Variants in ATP5PF observed in about 807,000 individuals in gnomAD.
ATP5PF encodes the protein ATP synthase peripheral stalk subunit F6, mitochondrial.
Under a neutral mutation model 12.0 loss-of-function variants are expected in ATP5PF, and 7 were observed. The ratio of observed to expected loss-of-function variants is 0.58; its 90% confidence interval spans 0.33 to 1.10. The LOEUF (loss-of-function observed/expected upper bound fraction) is 1.10, where lower values mean the gene tolerates loss of function less well. ATP5PF is among the 50% of genes least tolerant of loss of function. The probability of loss-of-function intolerance (pLI) is 0.03; values close to 1 mark genes in which losing one functional copy is unlikely to be tolerated. For synonymous variants in ATP5PF, 41 were observed against 45.4 expected (o/e 0.90, Z 0.39); for missense variants, 120 against 127.7 (o/e 0.94, Z 0.29).
chr21:25,735,544 T>C (rs2035013909), upstream of ATP5PF: 1 of 152,562 alleles, frequency 6.6e-6, no homozygotes, highest in African/African-American at 2.4e-5. Flanking sequence ...GGCTCTGGAG[T>C]GCGGGCGGGG....
upstream of ATP5PF, chr21:25,735,308 C>G: frequency 3.2e-6 from 1 of 314,332 alleles, no homozygotes; most frequent in South Asian, 5.0e-5. Flanking sequence ...GTTGTGCTTC[C>G]TTGTACCTCG....
At chr21:25,729,245 T>A (rs889608721) in intron 2 of ATP5PF, among the ~76,000 whole-genome samples, 27 of 152,358 alleles carry the variant, frequency 1.8e-4, no homozygotes, top group African/African-American at 6.5e-4. Context: ...ATAATATATT[T>A]TTCCCCAATT....
intron 1 of ATP5PF, 142 bp downstream of exon 1, chr21:25,734,710 AC>A (rs946900163): frequency 2.5e-6 from 2 of 807,974 alleles, no homozygotes; most frequent in African/African-American, 3.5e-5. Context: ...GTCAGCTGTG[AC>A]CCCGGGCCAG....
intron 2 of ATP5PF, among the ~76,000 whole-genome samples, chr21:25,725,784 G>C (rs1056673616): frequency 6.6e-6 from 1 of 152,170 alleles, no homozygotes; most frequent in African/African-American, 2.4e-5. Flanking sequence ...AAAGACTTCA[G>C]AAAGAAAATA....
intron 1 of ATP5PF, 124 bp from the exon 2 acceptor site, chr21:25,729,925 C>T: frequency 1.8e-6 from 2 of 1,117,950 alleles, no homozygotes; most frequent in South Asian, 3.8e-5. Context: ...TCAGTCTATA[C>T]CTGACCACAG....
chr21:25,725,451 T>G, intron 2 of ATP5PF, 101 bp from the exon 3 acceptor site: 3 of 1,308,100 alleles, frequency 2.3e-6, no homozygotes, highest in Non-Finnish European at 3.0e-6. Context: ...TTTTTTTTTT[T>G]CTTTTTTGAG....
intron 2 of ATP5PF, among the ~76,000 whole-genome samples, chr21:25,726,416 A>AGGGAAAATTTCAT (rs1372603594): frequency 6.6e-6 from 1 of 152,254 alleles, no homozygotes; most frequent in Non-Finnish European, 1.5e-5. Context: ...TAAGCTAATC[A>AGGGAAAATTTCAT]GGGAAAATTT....
intron 3 of ATP5PF, chr21:25,724,928 A>G: frequency 1.7e-6 from 1 of 583,696 alleles, no homozygotes; most frequent in East Asian, 3.1e-5. Flanking sequence ...CCCAAATGTC[A>G]GATGAGGAGA....
At chr21:25,724,917 C>T (rs2034575850) in intron 3 of ATP5PF, 1 of 583,960 alleles carries the variant, frequency 1.7e-6, no homozygotes, top group Admixed American at 3.6e-5. Flanking sequence ...CTATAATTCT[C>T]CCCAAATGTC....
intron 1 of ATP5PF, among the ~76,000 whole-genome samples, chr21:25,730,839 C>T (rs906474798): frequency 2.2e-5 from 3 of 136,278 alleles, no homozygotes; most frequent in Non-Finnish European, 4.6e-5. Flanking sequence ...CTAACTAAAA[C>T]ATTTCAGTAG....
At chr21:25,725,056 C>T (rs1238791000) in intron 3 of ATP5PF, 170 bp downstream of exon 3, 2 of 839,754 alleles carry the variant, frequency 2.4e-6, no homozygotes, top group Non-Finnish European at 3.6e-6. Flanking sequence ...ATCTCCTATA[C>T]TGCTCTTATT....
chr21:25,725,735 G>A (rs376165684), intron 2 of ATP5PF, among the ~76,000 whole-genome samples: 17 of 152,172 alleles, frequency 1.1e-4, no homozygotes, highest in African/African-American at 2.9e-4. Flanking sequence ...CACCACACCC[G>A]GCCAATAGAC....
chr21:25,724,892 C>T, intron 3 of ATP5PF: 1 of 595,112 alleles, frequency 1.7e-6, no homozygotes, highest in Non-Finnish European at 2.9e-6. Context: ...CATTTAACTA[C>T]ATATGCAGAA....
In ATP5PF at chr21:25,725,218, A is replaced by C. The variant is rs1228942151; in HGVS notation, c.289+8T>G. On this transcript the variant is annotated splice_region_variant and intron_variant, in intron 3 of 3. Coordinates refer to ENST00000284971, the MANE Select transcript of ATP5PF (RefSeq NM_001003703.2). Reference sequence around the variant, plus strand: ...CACAAGAATGAATCTGTGATTTATAAGACGTACCTTCAAATTTGAAGGTGG... The same window carrying C: ...CACAAGAATGAATCTGTGATTTATACGACGTACCTTCAAATTTGAAGGTGG... The C allele has an allele frequency of 5.6e-6, 9 of 1,598,616 alleles. No homozygotes were observed. The highest frequency in any genetic ancestry group is 1.1e-5 in the South Asian group (1 of 87,442).
rs1168555784 is a variant in ATP5PF at position 25,733,004 on chromosome 21, A to AAG, written c.-8+1848_-8+1849insCT. 2.2e-4 allele frequency among the ~76,000 whole-genome samples: 33 copies of AAG among 151,118 alleles called. 1 individual carries two copies. Among genetic ancestry groups the AAG allele is most frequent in the African/African-American group, 7.5e-4 (31 of 41,286 alleles). On this transcript the variant is annotated intron_variant, in intron 1 of 3. Transcript: ENST00000284971. ...CTGTCTCAAAAAAAAAAAAAAAAAA[A>AAG]AAAAAAAAGAAATCCTACTATCAAT...
chr21:25,731,400 C>T (rs919189646), intron 1 of ATP5PF, among the ~76,000 whole-genome samples: 1 of 40,886 alleles, frequency 2.4e-5, no homozygotes, highest in Non-Finnish European at 4.5e-5. Context: ...GGTACAATTT[C>T]TCAATCTTTT....
rs376150115 is a variant in ATP5PF at position 25,725,367 on chromosome 21, C to T, written c.165-17G>A. On this transcript the variant is annotated splice_polypyrimidine_tract_variant and intron_variant, in intron 2 of 3. Coordinates refer to ENST00000284971, the MANE Select transcript of ATP5PF (RefSeq NM_001003703.2). Reference sequence around the variant, plus strand: ...CCAGATGTCCTGTTAAGTAAATGAGCAAACAAAAATTAATTTTGTGTACTA... The same window carrying T: ...CCAGATGTCCTGTTAAGTAAATGAGTAAACAAAAATTAATTTTGTGTACTA... 3 of 1,558,180 alleles carry T rather than the reference C, an allele frequency of 1.9e-6. No individual in the cohort carries two copies.
rs115785536 is a variant in ATP5PF, at chr21:25,726,270, C to A, written c.165-920G>T. ...TATTAAAGAAGCAAATTATTTCCTA[C>A]CCTCAGAGATTTTGCAATTTCGAAG... On this transcript the variant is annotated intron_variant, in intron 2 of 3. Transcript: ENST00000284971. 4.9e-3 allele frequency among the ~76,000 whole-genome samples: 744 copies of A among 152,206 alleles called. 6 individuals carry two copies. The highest frequency in any genetic ancestry group is 0.017 in the African/African-American group (700 of 41,526).
At chr21:25,726,213 C>G (rs1455324123) in intron 2 of ATP5PF, among the ~76,000 whole-genome samples, 1 of 152,154 alleles carries the variant, frequency 6.6e-6, no homozygotes, top group African/African-American at 2.4e-5. Context: ...TTTTAAAGAC[C>G]TTAGACTTTT....
Sources: allele counts gnomAD v4.1 joint callset (sites outside exome capture counted in the v4.1 genomes callset), GRCh38; gene constraint gnomAD v4.1.1; transcripts MANE v1.5; gene names NCBI Gene and HGNC (gene_info 2026-07-23, HGNC 2026-07-21).